The following ARHGAP24 variants were observed in gnomAD, a reference collection of about 807,000 sequenced individuals.
ARHGAP24 encodes the protein Rho GTPase activating protein 24.
Under a neutral mutation model 76.4 loss-of-function variants are expected in ARHGAP24, and 50 were observed. That is an observed-to-expected ratio of 0.65 (90% CI 0.52 to 0.83). The LOEUF is 0.83. Among genes scored for constraint, ARHGAP24 ranks in the 40% least tolerant of loss-of-function variants. The pLI is 0.00. For missense variants in ARHGAP24, 930 were observed against 914.2 expected (o/e 1.02, Z -0.22); for synonymous variants, 345 against 323.3 (o/e 1.07, Z -0.72).
At chr4:85,941,701 T>A (rs573350914) in intron 4 of ARHGAP24, among the ~76,000 whole-genome samples, 2 of 152,312 alleles carry the variant, frequency 1.3e-5, no homozygotes, top group Non-Finnish European at 2.9e-5. Flanking sequence ...TTCTGCAGCA[T>A]ATTTCTGCTT....
At chr4:85,676,441 C>A (rs1722983134) in intron 2 of ARHGAP24, among the ~76,000 whole-genome samples, 1 of 152,098 alleles carries the variant, frequency 6.6e-6, no homozygotes, top group African/African-American at 2.4e-5. Context: ...TAAGCAAGCT[C>A]CCCCGGAAAC....
intron 3 of ARHGAP24, among the ~76,000 whole-genome samples, chr4:85,907,693 G>C (rs903459842): frequency 1.3e-5 from 2 of 152,134 alleles, no homozygotes; most frequent in African/African-American, 4.8e-5. Context: ...TCATATGCTT[G>C]TTTATTCCCT....
intron 8 of ARHGAP24, among the ~76,000 whole-genome samples, chr4:85,979,626 C>T (rs190776487): frequency 5.9e-5 from 9 of 152,254 alleles, no homozygotes; most frequent in Admixed American, 5.9e-4. Flanking sequence ...AAGGTTCATC[C>T]ATGTGGCAAT....
intron 3 of ARHGAP24, among the ~76,000 whole-genome samples, chr4:85,905,407 T>A (rs1734719833): frequency 6.6e-6 from 1 of 152,136 alleles, no homozygotes; most frequent in African/African-American, 2.4e-5. Flanking sequence ...ATGAAAAAAA[T>A]TGTGATAATT....
chr4:85,797,846 A>G (rs751374474), intron 3 of ARHGAP24, among the ~76,000 whole-genome samples: 1 of 152,236 alleles, frequency 6.6e-6, no homozygotes, highest in Non-Finnish European at 1.5e-5. Flanking sequence ...GAATGCCATT[A>G]TCAGACTAAA....
chr4:85,864,721 A>G (rs1732097595), intron 3 of ARHGAP24, among the ~76,000 whole-genome samples: 1 of 152,002 alleles, frequency 6.6e-6, no homozygotes. Context: ...ACCCACTTCC[A>G]TGAGCTACGC....
At chr4:85,778,668 G>T in intron 3 of ARHGAP24, 2 of 983,670 alleles carry the variant, frequency 2.0e-6, no homozygotes, top group East Asian at 1.1e-4. Context: ...TTCCTTGTAG[G>T]TTTTTTTTCC....
chr4:85,937,742 A>G (rs1463188698), intron 4 of ARHGAP24, among the ~76,000 whole-genome samples: 1 of 151,684 alleles, frequency 6.6e-6, no homozygotes, highest in African/African-American at 2.4e-5. Flanking sequence ...TTGGCTGTCA[A>G]TGATTTACCA....
At position 85,884,175 on chromosome 4, in the gene ARHGAP24, C is replaced by T. The variant is rs75791587; in HGVS notation, c.269-39473C>T. On this transcript the variant is annotated intron_variant, in intron 3 of 9. Coordinates refer to ENST00000395184, the MANE Select transcript of ARHGAP24 (RefSeq NM_001025616.3). ...CTCCAATCATTAGTTAGTGAATTGG[C>T]AATTCCAGTTTATTTTATAGAACCT... 1.3e-3 allele frequency among the ~76,000 whole-genome samples: 194 copies of T among 152,190 alleles called. 1 individual carries two copies. Among genetic ancestry groups the T allele is most frequent in the African/African-American group, 4.5e-3 (188 of 41,524 alleles).
intron 8 of ARHGAP24, chr4:85,990,221 G>A (rs1197718070): frequency 6.6e-6 from 1 of 151,524 alleles, no homozygotes; most frequent in Admixed American, 6.6e-5. Flanking sequence ...TATTTAGGGA[G>A]AAATTTAAGA....
At chr4:85,484,316 A>G (rs375482487) in intron 1 of ARHGAP24, among the ~76,000 whole-genome samples, 22 of 152,334 alleles carry the variant, frequency 1.4e-4, no homozygotes, top group African/African-American at 5.1e-4. Flanking sequence ...ATGACTGTCA[A>G]ATTAGAAATT....
chr4:85,952,600 C>G (rs1300450932), intron 5 of ARHGAP24, among the ~76,000 whole-genome samples: 1 of 152,146 alleles, frequency 6.6e-6, no homozygotes, highest in African/African-American at 2.4e-5. Flanking sequence ...CATGGATGAG[C>G]CTTTATTAAG....
intron 2 of ARHGAP24, among the ~76,000 whole-genome samples, chr4:85,679,195 G>A (rs187602045): frequency 6.6e-6 from 1 of 152,000 alleles, no homozygotes; most frequent in African/African-American, 2.4e-5. Flanking sequence ...GCAGGTAGCA[G>A]CCCTCAGAGA....
chr4:85,612,306 A>G (rs1720416058), intron 2 of ARHGAP24, among the ~76,000 whole-genome samples: 1 of 151,754 alleles, frequency 6.6e-6, no homozygotes, highest in Admixed American at 6.6e-5. Context: ...AGTCCCAGCT[A>G]CTCGGGAGGC....
chr4:85,707,260 T>C (rs1191287482), intron 2 of ARHGAP24, among the ~76,000 whole-genome samples: 5 of 152,212 alleles, frequency 3.3e-5, no homozygotes, highest in Admixed American at 6.5e-5. Context: ...ATATCACTAC[T>C]ATACACCCAT....
intron 1 of ARHGAP24, among the ~76,000 whole-genome samples, chr4:85,568,192 G>T (rs1310724647): frequency 1.3e-5 from 2 of 151,858 alleles, no homozygotes; most frequent in African/African-American, 4.8e-5. Flanking sequence ...AAGCATTTTA[G>T]AGGGAATTTT....
At chr4:85,664,792 G>C (rs566256733) in intron 2 of ARHGAP24, among the ~76,000 whole-genome samples, 106 of 152,158 alleles carry the variant, frequency 7.0e-4, no homozygotes, top group African/African-American at 2.4e-3. Flanking sequence ...TTCAGGAGCA[G>C]GTTGTTCAGT....
intron 3 of ARHGAP24, among the ~76,000 whole-genome samples, chr4:85,731,166 C>CCACATGCTACAAA (rs1725392896): frequency 6.6e-6 from 1 of 151,828 alleles, no homozygotes; most frequent in South Asian, 2.1e-4. Context: ...CACAAAACCA[C>CCACATGCTACAAA]CTTCTTATAC....
intron 1 of ARHGAP24, among the ~76,000 whole-genome samples, chr4:85,560,329 T>C (rs1726544164): frequency 6.6e-6 from 1 of 152,106 alleles, no homozygotes; most frequent in African/African-American, 2.4e-5. Context: ...GAAAAGATTC[T>C]CTCTACAATG....
Sources: allele counts gnomAD v4.1 joint callset (sites outside exome capture counted in the v4.1 genomes callset), GRCh38; gene constraint gnomAD v4.1.1; transcripts MANE v1.5; gene names NCBI Gene and HGNC (gene_info 2026-07-23, HGNC 2026-07-21).